Variants in CRACDL observed in about 807,000 individuals in gnomAD.
The protein encoded by CRACDL is CRACD like.
Under a neutral mutation model 70.6 loss-of-function variants are expected in CRACDL, and 26 were observed. That is an observed-to-expected ratio of 0.37 (90% CI 0.27 to 0.51). CRACDL has a LOEUF of 0.51. Ranked by LOEUF, CRACDL falls within the 20% of genes least tolerant of loss-of-function variation. CRACDL has a pLI of 0.94. For synonymous variants in CRACDL, 618 were observed against 615.2 expected (o/e 1.00, Z -0.07); for missense variants, 1,283 against 1,376.9 (o/e 0.93, Z 1.08).
At chr2:98,857,140 G>A (rs1303229796) in intron 1 of CRACDL, among the ~76,000 whole-genome samples, 1 of 152,112 alleles carries the variant, frequency 6.6e-6, no homozygotes, top group Non-Finnish European at 1.5e-5. Context: ...AGTCATGTTG[G>A]AATGATCCTT....
chr2:98,798,443 CAAAAAAAAAAAAAAAAA>C (rs70940125), intron 7 of CRACDL, among the ~76,000 whole-genome samples: 6 of 44,356 alleles, frequency 1.4e-4, no homozygotes, highest in Admixed American at 2.8e-4. Flanking sequence ...GACTCCGTCT[CAAAAAAAAAAAAAAAAA>C]AAAAAAAAAA....
At chr2:98,845,503 T>C (rs937064113) in intron 2 of CRACDL, among the ~76,000 whole-genome samples, 3 of 152,198 alleles carry the variant, frequency 2.0e-5, no homozygotes, top group Non-Finnish European at 4.4e-5. Flanking sequence ...CCCATTTTCC[T>C]TTCAATTCTG....
chr2:98,856,860 T>C (rs1336232076), intron 1 of CRACDL, among the ~76,000 whole-genome samples: 1 of 152,190 alleles, frequency 6.6e-6, no homozygotes, highest in Non-Finnish European at 1.5e-5. Context: ...CCCCTGACTA[T>C]GACCTAGTGA....
intron 5 of CRACDL, among the ~76,000 whole-genome samples, chr2:98,829,470 C>G (rs1051161832): frequency 6.6e-6 from 1 of 152,114 alleles, no homozygotes; most frequent in Non-Finnish European, 1.5e-5. Flanking sequence ...AGTGATGTAA[C>G]TACGTGAGGT....
At chr2:98,817,165 TGAA>T (rs1704815706) in intron 7 of CRACDL, among the ~76,000 whole-genome samples, 1 of 151,980 alleles carries the variant, frequency 6.6e-6, no homozygotes, top group Non-Finnish European at 1.5e-5. Context: ...TTCATACAAT[TGAA>T]GAGCGGAAAG....
At chr2:98,817,862 GT>G (rs1704847666) in intron 7 of CRACDL, among the ~76,000 whole-genome samples, 1 of 152,086 alleles carries the variant, frequency 6.6e-6, no homozygotes, top group South Asian at 2.1e-4. Flanking sequence ...GAGAAGGGTG[GT>G]TTCTTGCACT....
intron 1 of CRACDL, among the ~76,000 whole-genome samples, chr2:98,900,950 G>C (rs72957633): frequency 0.01 from 1,570 of 152,290 alleles, 34 homozygotes; most frequent in East Asian, 0.074. Flanking sequence ...ATGGTGCCAG[G>C]AGGCAGGTGA....
intron 2 of CRACDL, among the ~76,000 whole-genome samples, chr2:98,844,473 C>G (rs1353140169): frequency 1.3e-5 from 2 of 152,128 alleles, no homozygotes; most frequent in Non-Finnish European, 2.9e-5. Flanking sequence ...GGCCATAGTT[C>G]CCCTTTTCAT....
chr2:98,852,761 A>G (rs1408794901), intron 1 of CRACDL, among the ~76,000 whole-genome samples: 1 of 152,132 alleles, frequency 6.6e-6, no homozygotes, highest in Non-Finnish European at 1.5e-5. Context: ...AGAGAGATCA[A>G]TAGAAATGAT....
chr2:98,904,835 G>A (rs1197640153), intron 1 of CRACDL, among the ~76,000 whole-genome samples: 1 of 152,148 alleles, frequency 6.6e-6, no homozygotes, highest in Non-Finnish European at 1.5e-5. Context: ...GTTGAAATGC[G>A]ACCCCCAATG....
chr2:98,888,945 T>C (rs1465275367), intron 1 of CRACDL, among the ~76,000 whole-genome samples: 1 of 152,006 alleles, frequency 6.6e-6, no homozygotes, highest in Non-Finnish European at 1.5e-5. Context: ...CTGGCCAATA[T>C]GGTGAAACCT....
In CRACDL at chr2:98,823,179, C is replaced by A; in HGVS notation, c.1094G>T (p.Gly365Val). The change falls in exon 7 of 10, where the codon GGT becomes GTT. Residue 365 changes from glycine (G) to valine (V), a missense_variant. Transcript: ENST00000397899. This position sits in a 1 kb window ranked among gnomAD's most constrained non-coding sequence, Gnocchi z 4.0. Reference sequence around the variant, plus strand: ...CCCATCCTGCTTTCCGCCGTCGGGACCGGGATTCGGGGGGCCCTCCGGCGG... The same window carrying A: ...CCCATCCTGCTTTCCGCCGTCGGGAACGGGATTCGGGGGGCCCTCCGGCGG... ...PSPPEGPPNP[G>V]PDGGKQDGEA... The A allele has an allele frequency of 6.6e-7, 1 of 1,512,766 alleles. No homozygotes were observed. Among genetic ancestry groups the A allele is most frequent in the Non-Finnish European group, 8.8e-7 (1 of 1,133,202 alleles). 93.7% of individuals were successfully genotyped at this position (1,512,766 alleles called of 1,614,324 possible).
chr2:98,885,687 T>C (rs1249417155), intron 1 of CRACDL, among the ~76,000 whole-genome samples: 5 of 152,142 alleles, frequency 3.3e-5, no homozygotes, highest in Non-Finnish European at 7.4e-5. Context: ...CAACCAACCA[T>C]TTTTCAAGCA....
chr2:98,914,898 G>A (rs1708631103), intron 1 of CRACDL, among the ~76,000 whole-genome samples: 1 of 152,216 alleles, frequency 6.6e-6, no homozygotes, highest in South Asian at 2.1e-4. Flanking sequence ...AGAGAAGAAG[G>A]GGAAGGCTGC....
At chr2:98,901,030 A>G (rs1573172758) in intron 1 of CRACDL, among the ~76,000 whole-genome samples, 2 of 152,200 alleles carry the variant, frequency 1.3e-5, no homozygotes, top group African/African-American at 2.4e-5. Flanking sequence ...CGATTCTGCA[A>G]GCAATGGGGT....
In CRACDL at chr2:98,812,131, G is replaced by A. The variant is rs144795036; in HGVS notation, c.2416+9726C>T. Among the ~76,000 whole-genome samples the A allele has an allele frequency of 4.9e-3, 744 of 152,200 alleles. 8 individuals are homozygous for A. The highest frequency in any genetic ancestry group is 0.017 in the African/African-American group (709 of 41,526). ...GCTGGGACTACAGGTGTGCACCACC[G>A]CACTCAGTTAATTTTTTATTTTTAG... On this transcript the variant is annotated intron_variant, in intron 7 of 9. Coordinates refer to ENST00000397899, the MANE Select transcript of CRACDL (RefSeq NM_207362.3).
At chr2:98,882,310 A>G (rs1402802146) in intron 1 of CRACDL, among the ~76,000 whole-genome samples, 5 of 152,230 alleles carry the variant, frequency 3.3e-5, no homozygotes, top group Admixed American at 1.3e-4. Context: ...CTCTTAATAC[A>G]TAGTATGGCC....
intron 1 of CRACDL, among the ~76,000 whole-genome samples, chr2:98,906,649 G>A (rs1708425291): frequency 6.6e-6 from 1 of 152,210 alleles, no homozygotes; most frequent in Non-Finnish European, 1.5e-5. Flanking sequence ...CCACTTCTCT[G>A]CTGAAATTCC....
intron 6 of CRACDL, among the ~76,000 whole-genome samples, chr2:98,824,350 C>T (rs1277241693): frequency 6.7e-6 from 1 of 149,224 alleles, no homozygotes; most frequent in African/African-American, 2.5e-5. Flanking sequence ...TCAAACTCTC[C>T]CACTCTATGC....
Sources: allele counts gnomAD v4.1 joint callset (sites outside exome capture counted in the v4.1 genomes callset), GRCh38; gene constraint gnomAD v4.1.1; non-coding constraint Gnocchi (gnomAD v3.1); transcripts MANE v1.5; gene names NCBI Gene and HGNC (gene_info 2026-07-23, HGNC 2026-07-21).